UPP2: variants seen among roughly 807,000 people sequenced by gnomAD.
UPP2 encodes UPase 2.
A neutral mutation model predicts 26.7 loss-of-function variants in UPP2; 23 were observed. That is an observed-to-expected ratio of 0.86 (90% CI 0.62 to 1.22). The LOEUF (loss-of-function observed/expected upper bound fraction) is 1.22, where lower values mean the gene tolerates loss of function less well. UPP2 is among the 50% of genes most tolerant of loss of function. The pLI, the probability that UPP2 is intolerant of heterozygous loss-of-function variation, is 0.00. For missense variants in UPP2, 387 were observed against 396.7 expected (o/e 0.98, Z 0.21); for synonymous variants, 127 against 141.3 (o/e 0.90, Z 0.72).
At chr2:158,047,615 T>C (rs1287679508) in intron 3 of UPP2, among the ~76,000 whole-genome samples, 3 of 152,190 alleles carry the variant, frequency 2.0e-5, no homozygotes, top group Non-Finnish European at 4.4e-5. Context: ...CACTCCTTAG[T>C]GTCATATGTC....
intron 3 of UPP2, among the ~76,000 whole-genome samples, chr2:158,017,904 T>C (rs897305302): frequency 1.3e-5 from 2 of 152,234 alleles, no homozygotes; most frequent in African/African-American, 4.8e-5. Context: ...TAAGCTTATA[T>C]ACTTTGAAAA....
Position 158,121,563 on chromosome 2 carries a change from C to A in UPP2, c.609C>A (p.Ile203=). 1 of 1,613,524 alleles carries A rather than the reference C, an allele frequency of 6.2e-7. No homozygotes were observed. Among genetic ancestry groups the A allele is most frequent in the South Asian group, 1.1e-5 (1 of 91,064 alleles). The change falls in exon 5 of 7, where the codon ATC becomes ATA. Residue 203 remains isoleucine (I), a synonymous_variant. Coordinates refer to ENST00000005756, the MANE Select transcript of UPP2 (RefSeq NM_173355.4). ...AACTGTTCAACTGTAGCAAAGAAAT[C>A]CCCAACTTCCCAACCCTCGTTGGAC... is the stretch of plus-strand genomic sequence containing the variant. ...SEELFNCSKE[I]PNFPTLVGHT...
intron 5 of UPP2, among the ~76,000 whole-genome samples, chr2:158,123,300 C>A (rs1683612738): frequency 6.6e-6 from 1 of 152,024 alleles, no homozygotes; most frequent in African/African-American, 2.4e-5. Flanking sequence ...TATGGAGAGG[C>A]GCAATGTCCA....
chr2:158,108,517 G>C (rs1373063076), intron 2 of UPP2, among the ~76,000 whole-genome samples: 1 of 151,986 alleles, frequency 6.6e-6, no homozygotes, highest in Non-Finnish European at 1.5e-5. Context: ...ATTAGTTTCT[G>C]GGAAATTATT....
At chr2:158,088,556 T>G (rs951520213) in intron 3 of UPP2, among the ~76,000 whole-genome samples, 1 of 152,182 alleles carries the variant, frequency 6.6e-6, no homozygotes. Flanking sequence ...TTAAAGAACC[T>G]TGTTTGTCAT....
intron 3 of UPP2, among the ~76,000 whole-genome samples, chr2:158,090,720 T>C (rs1241104646): frequency 6.6e-6 from 1 of 152,202 alleles, no homozygotes; most frequent in Non-Finnish European, 1.5e-5. Context: ...AAAGGAGTAT[T>C]GTCTAAAGGC....
intron 3 of UPP2, among the ~76,000 whole-genome samples, chr2:158,023,086 A>C (rs927765950): frequency 2.1e-5 from 3 of 143,296 alleles, no homozygotes; most frequent in African/African-American, 7.6e-5. Flanking sequence ...CTAGAGCAGG[A>C]AGTGGGTTCA....
upstream of UPP2, among the ~76,000 whole-genome samples, chr2:158,100,309 A>G (rs1186221596): frequency 6.6e-6 from 1 of 152,232 alleles, no homozygotes; most frequent in Admixed American, 6.5e-5. Flanking sequence ...TTAGTGATCA[A>G]GATCACTGGT....
upstream of UPP2, among the ~76,000 whole-genome samples, chr2:158,098,563 C>T (rs1406653587): frequency 2.0e-5 from 3 of 152,154 alleles, no homozygotes; most frequent in Admixed American, 1.3e-4. Flanking sequence ...TGAGCTGCAT[C>T]ATCACATAGA....
At chr2:158,106,740 ATTTAT>A (rs1002191873) in intron 2 of UPP2, among the ~76,000 whole-genome samples, 43 of 152,266 alleles carry the variant, frequency 2.8e-4, no homozygotes, top group African/African-American at 8.9e-4. Flanking sequence ...CTTCTGCATT[ATTTAT>A]TTTATCTGAC....
At chr2:158,105,613 A>G (rs139923073) in intron 1 of UPP2, among the ~76,000 whole-genome samples, 1 of 152,290 alleles carries the variant, frequency 6.6e-6, no homozygotes, top group Non-Finnish European at 1.5e-5. Flanking sequence ...CAAATAACTT[A>G]CTCAAGGTTG....
intron 3 of UPP2, among the ~76,000 whole-genome samples, chr2:158,078,279 G>T (rs1253912927): frequency 6.6e-6 from 1 of 152,130 alleles, no homozygotes; most frequent in Non-Finnish European, 1.5e-5. Flanking sequence ...TCCCACTGCT[G>T]GGTATATTCT....
intron 3 of UPP2, among the ~76,000 whole-genome samples, chr2:158,031,708 C>G (rs1180873190): frequency 1.3e-5 from 2 of 152,174 alleles, no homozygotes; most frequent in Non-Finnish European, 2.9e-5. Context: ...CTCACTCAAA[C>G]CACAACTCTA....
chr2:158,127,431 C>T (rs1683717743), intron 6 of UPP2, among the ~76,000 whole-genome samples: 1 of 151,664 alleles, frequency 6.6e-6, no homozygotes, highest in African/African-American at 2.4e-5. Context: ...GCCATATGGG[C>T]TTTCAATATT....
intron 2 of UPP2, among the ~76,000 whole-genome samples, chr2:158,002,828 C>T (rs1385422133): frequency 6.6e-6 from 1 of 152,204 alleles, no homozygotes; most frequent in African/African-American, 2.4e-5. Flanking sequence ...TATTAGCTGG[C>T]AACACCGTTG....
chr2:158,014,179 C>A (rs1016472311), intron 2 of UPP2, among the ~76,000 whole-genome samples: 1 of 152,216 alleles, frequency 6.6e-6, no homozygotes. Context: ...TCCAAACTGG[C>A]AAATGGTCTC....
At chr2:158,052,119 C>A (rs1254452454) in intron 3 of UPP2, among the ~76,000 whole-genome samples, 1 of 152,140 alleles carries the variant, frequency 6.6e-6, no homozygotes, top group Non-Finnish European at 1.5e-5. Flanking sequence ...GTGGGACATA[C>A]TTAGACTAAA....
chr2:158,106,735 G>T (rs542293412), intron 2 of UPP2, among the ~76,000 whole-genome samples: 5 of 151,856 alleles, frequency 3.3e-5, no homozygotes, highest in Non-Finnish European at 5.9e-5. Flanking sequence ...TTGTACTTCT[G>T]CATTATTTAT....
intron 3 of UPP2, among the ~76,000 whole-genome samples, chr2:158,055,154 G>T (rs369593090): frequency 6.6e-6 from 1 of 152,326 alleles, no homozygotes; most frequent in East Asian, 1.9e-4. Context: ...GGTCGCATCT[G>T]GTGAGAGCCT....
Sources: allele counts gnomAD v4.1 joint callset (sites outside exome capture counted in the v4.1 genomes callset), GRCh38; gene constraint gnomAD v4.1.1; transcripts MANE v1.5; gene names NCBI Gene and HGNC (gene_info 2026-07-23, HGNC 2026-07-21).